REC114: variants seen among roughly 807,000 people sequenced by gnomAD.
REC114 encodes meiotic recombination protein REC114.
REC114 carries 27 observed loss-of-function variants against 31.3 expected under a neutral mutation model. The ratio of observed to expected loss-of-function variants is 0.86; its 90% CI spans 0.64 to 1.19. REC114 has a LOEUF of 1.19. Among genes scored for constraint, REC114 ranks in the 50% most tolerant of loss-of-function variants. The pLI, the probability that REC114 is intolerant of heterozygous loss-of-function variation, is 0.00. For synonymous variants in REC114, 134 were observed against 127.7 expected, an observed-to-expected ratio of 1.05 and a Z score of -0.33; for missense variants, 344 against 326.9, an observed-to-expected ratio of 1.05 and a Z score of -0.40.
chr15:73,511,273 T>G (rs1156724703), intron 2 of REC114, among the ~76,000 whole-genome samples: 1 of 152,184 alleles, frequency 6.6e-6, no homozygotes, highest in Non-Finnish European at 1.5e-5. Context: ...TGTATTTCTG[T>G]GGGATCGGTG....
At chr15:73,527,905 A>G (rs1444170840) in intron 2 of REC114, among the ~76,000 whole-genome samples, 1 of 152,206 alleles carries the variant, frequency 6.6e-6, no homozygotes, top group Non-Finnish European at 1.5e-5. Context: ...AAGGCATTTC[A>G]GCTTCTGATA....
rs550125846 is a variant in REC114 at position 73,489,923 on chromosome 15, C to T, written c.249+16002C>T. Among the ~76,000 whole-genome samples the T allele has an allele frequency of 2.4e-4, 36 of 152,294 alleles. 1 individual carries two copies. In the South Asian group the frequency reaches 6.9e-3, roughly 29 times the overall value. On this transcript the variant is annotated intron_variant, in intron 2 of 5. Transcript: ENST00000331090. ...AGGTAGTGGAAGGAGTGAGTACACTCAAACACAGTAGAGTTCCTTGCTTAA... is the reference window on the plus strand; with the variant it reads ...AGGTAGTGGAAGGAGTGAGTACACTTAAACACAGTAGAGTTCCTTGCTTAA...
chr15:73,473,894 C>G lies in REC114; in HGVS notation c.222C>G (p.Phe74Leu), dbSNP rs752161006. Residue 74 changes from phenylalanine (F) to leucine (L), a missense_variant, in exon 2 of 6, where the codon TTC becomes TTG. Coordinates refer to ENST00000331090, the MANE Select transcript of REC114 (RefSeq NM_001042367.2). ...TCACCATAGTTATATCAGGTCATTT[C>G]TTCATTTTCCAAGGACAGACACTAC... ...LVLTIVISGH[F>L]FIFQGQTLLE... 6.3e-7 allele frequency: 1 copy of G among 1,584,342 alleles called. No individual in the cohort carries two copies.
chr15:73,458,895 C>T (rs974996901), intron 1 of REC114, among the ~76,000 whole-genome samples: 9 of 152,172 alleles, frequency 5.9e-5, no homozygotes, highest in African/African-American at 2.2e-4. Context: ...GGTTCTATTA[C>T]CCCATAAGAA....
intron 2 of REC114, among the ~76,000 whole-genome samples, chr15:73,524,486 G>A (rs563612987): frequency 6.6e-6 from 1 of 152,312 alleles, no homozygotes; most frequent in East Asian, 1.9e-4. Context: ...ATCTCAATTG[G>A]TTCAGCTTAC....
chr15:73,559,759 T>G lies in REC114; in HGVS notation c.644T>G (p.Leu215Arg). Residue 215 changes from leucine to arginine, a missense_variant, in exon 6 of 6, where the codon CTG becomes CGG. Coordinates refer to ENST00000331090, the MANE Select transcript of REC114 (RefSeq NM_001042367.2). ...TTTCTGGTATCCCTGCAGACTCTTCTGGCATCGGAGGAGCTGCCCCATGTC... is the reference window on the plus strand; with the variant it reads ...TTTCTGGTATCCCTGCAGACTCTTCGGGCATCGGAGGAGCTGCCCCATGTC... The part of the protein sequence containing the change: ...TSLTQLAQTL[L>R]ASEELPHVYE... 1 of 1,566,958 alleles carries G rather than the reference T, an allele frequency of 6.4e-7. No homozygotes were observed. The highest frequency in any genetic ancestry group is 8.6e-7 in the Non-Finnish European group (1 of 1,163,156).
At chr15:73,447,114 G>A (rs1465224310) in intron 1 of REC114, among the ~76,000 whole-genome samples, 1 of 152,174 alleles carries the variant, frequency 6.6e-6, no homozygotes, top group Non-Finnish European at 1.5e-5. Context: ...AAGCAACTGA[G>A]TAGATGGTTG....
chr15:73,515,414 G>A (rs1390531574), intron 2 of REC114, among the ~76,000 whole-genome samples: 2 of 152,146 alleles, frequency 1.3e-5, no homozygotes. Flanking sequence ...TGCAGTTATT[G>A]TATTGGTGAT....
chr15:73,500,569 A>G (rs1031583526), intron 2 of REC114, among the ~76,000 whole-genome samples: 3 of 152,132 alleles, frequency 2.0e-5, no homozygotes, highest in African/African-American at 7.2e-5. Context: ...GGTTCTAGAA[A>G]TGTTCTATGT....
intron 1 of REC114, among the ~76,000 whole-genome samples, chr15:73,451,237 G>A (rs1892842468): frequency 6.6e-6 from 1 of 152,088 alleles, no homozygotes; most frequent in South Asian, 2.1e-4. Flanking sequence ...CTGCTAGCCA[G>A]ACTAATAAAA....
At chr15:73,522,641 A>G (rs571978952) in intron 2 of REC114, among the ~76,000 whole-genome samples, 1 of 152,332 alleles carries the variant, frequency 6.6e-6, no homozygotes, top group Admixed American at 6.5e-5. Flanking sequence ...GTTGAGTTGT[A>G]TATCACTATA....
chr15:73,471,355 TG>T (rs1893129909), intron 1 of REC114, among the ~76,000 whole-genome samples: 1 of 151,826 alleles, frequency 6.6e-6, no homozygotes, highest in African/African-American at 2.4e-5. Context: ...GCCAAAGAAA[TG>T]GAAGGAAAGA....
chr15:73,506,040 CT>C (rs1253983020), intron 2 of REC114, among the ~76,000 whole-genome samples: 1 of 151,800 alleles, frequency 6.6e-6, no homozygotes, highest in Non-Finnish European at 1.5e-5. Context: ...ATGCCCCCTG[CT>C]TTTTTTTCCT....
chr15:73,553,485 G>A (rs1894420285), intron 4 of REC114, among the ~76,000 whole-genome samples: 1 of 152,108 alleles, frequency 6.6e-6, no homozygotes, highest in South Asian at 2.1e-4. Context: ...TCAGATGATA[G>A]TATAGTATAC....
intron 2 of REC114, among the ~76,000 whole-genome samples, chr15:73,516,028 C>G (rs184156079): frequency 2.6e-5 from 4 of 151,728 alleles, no homozygotes; most frequent in South Asian, 2.1e-4. Flanking sequence ...CTCTTGTCAC[C>G]CAGGCTGGAG....
intron 2 of REC114, 56 bp downstream of exon 2, chr15:73,473,977 TAC>T: frequency 1.7e-6 from 2 of 1,176,706 alleles, no homozygotes; most frequent in South Asian, 2.7e-5. Flanking sequence ...TTCTTAGCTT[TAC>T]ATGAATTTTT....
chr15:73,503,449 G>GA (rs979580931), intron 2 of REC114, among the ~76,000 whole-genome samples: 2 of 151,594 alleles, frequency 1.3e-5, no homozygotes, highest in African/African-American at 2.4e-5. Context: ...ATATTTACAG[G>GA]AAAAAAAAGT....
intron 2 of REC114, among the ~76,000 whole-genome samples, chr15:73,505,841 C>T (rs1893668997): frequency 6.6e-6 from 1 of 152,164 alleles, no homozygotes; most frequent in Non-Finnish European, 1.5e-5. Flanking sequence ...CTGCACTTCT[C>T]CTTCTTACCC....
intron 1 of REC114, among the ~76,000 whole-genome samples, chr15:73,468,052 C>T (rs1188588383): frequency 1.3e-5 from 2 of 152,148 alleles, no homozygotes; most frequent in South Asian, 2.1e-4. Flanking sequence ...AATAGGTTCA[C>T]CTGGATAATT....
Sources: gnomAD v4.1 joint callset for allele counts (sites outside exome capture counted in the v4.1 genomes callset) on GRCh38, gnomAD v4.1.1 for gene constraint, MANE v1.5 for transcripts, NCBI Gene and HGNC (gene_info 2026-07-23, HGNC 2026-07-21) for gene names.